Variants in KHDRBS2 observed in about 807,000 individuals in gnomAD.
KHDRBS2 encodes KH RNA binding domain containing, signal transduction associated 2.
KHDRBS2 carries 26 observed loss-of-function variants against 44.3 expected under a neutral mutation model. That is an observed-to-expected ratio of 0.59 (90% CI 0.43 to 0.81). KHDRBS2 has a LOEUF of 0.81. Ranked by LOEUF, KHDRBS2 falls within the 40% of genes least tolerant of loss-of-function variation. The probability of loss-of-function intolerance (pLI) is 0.00; values close to 1 mark genes in which losing one functional copy is unlikely to be tolerated. For synonymous variants in KHDRBS2, 194 were observed against 151.1 expected, an observed-to-expected ratio of 1.28 and a Z score of -2.08; for missense variants, 476 against 433.1, an observed-to-expected ratio of 1.10 and a Z score of -0.88.
chr6:61,781,329 C>G (rs568688738), intron 6 of KHDRBS2, among the ~76,000 whole-genome samples: 1 of 152,076 alleles, frequency 6.6e-6, no homozygotes, highest in African/African-American at 2.4e-5. Flanking sequence ...GAATAATATT[C>G]ATAATATAAA....
At chr6:61,770,311 C>T (rs903173760) in intron 6 of KHDRBS2, among the ~76,000 whole-genome samples, 2 of 152,142 alleles carry the variant, frequency 1.3e-5, no homozygotes, top group African/African-American at 2.4e-5. Flanking sequence ...AGCTCTTCAC[C>T]AGCAATGGAA....
intron 4 of KHDRBS2, among the ~76,000 whole-genome samples, chr6:61,910,939 A>G (rs1289740629): frequency 6.6e-6 from 1 of 152,220 alleles, no homozygotes; most frequent in Non-Finnish European, 1.5e-5. Context: ...ATTTAAAGTC[A>G]AAATAGGCGT....
chr6:62,077,165 T>C (rs1796511278), intron 2 of KHDRBS2, among the ~76,000 whole-genome samples: 1 of 152,094 alleles, frequency 6.6e-6, no homozygotes, highest in African/African-American at 2.4e-5. Context: ...AATGCTGCAT[T>C]TGACAAAACT....
chr6:61,682,234 T>C (rs1442454311), intron 8 of KHDRBS2, among the ~76,000 whole-genome samples: 2 of 151,826 alleles, frequency 1.3e-5, no homozygotes, highest in African/African-American at 2.4e-5. Context: ...CAATCTACTA[T>C]GTAGAAAAAT....
At chr6:61,574,403 T>C in the KHDRBS2 span, 5 of 1,522,810 alleles carry the variant, frequency 3.3e-6, no homozygotes, top group East Asian at 2.5e-5. Context: ...GCGGACATAA[T>C]ACAACAAGAC....
At chr6:62,042,594 T>C (rs1329738846) in intron 3 of KHDRBS2, among the ~76,000 whole-genome samples, 3 of 152,108 alleles carry the variant, frequency 2.0e-5, no homozygotes, top group Non-Finnish European at 4.4e-5. Context: ...GAGACTATTA[T>C]GCTGTTTGAT....
chr6:62,212,495 C>T (rs1201399398), intron 1 of KHDRBS2, among the ~76,000 whole-genome samples: 2 of 151,798 alleles, frequency 1.3e-5, no homozygotes, highest in Non-Finnish European at 2.9e-5. Flanking sequence ...CAGAATATGA[C>T]CTTTTTGGAA....
chr6:61,881,269 A>G (rs1175093918), intron 6 of KHDRBS2, among the ~76,000 whole-genome samples: 2 of 151,954 alleles, frequency 1.3e-5, no homozygotes, highest in South Asian at 2.1e-4. Context: ...AGTTGTAGGG[A>G]AAGTCAGCAA....
chr6:61,628,765 T>A, the KHDRBS2 span, among the ~76,000 whole-genome samples: 6 of 152,196 alleles, frequency 3.9e-5, no homozygotes, highest in African/African-American at 1.4e-4. Flanking sequence ...GTGTTGTATG[T>A]GGTTATCAAT....
At chr6:61,710,955 C>A (rs1275632701) in intron 7 of KHDRBS2, among the ~76,000 whole-genome samples, 1 of 148,868 alleles carries the variant, frequency 6.7e-6, no homozygotes. Context: ...GCTCAGAAAT[C>A]TGGAGTTTCA....
intron 1 of KHDRBS2, among the ~76,000 whole-genome samples, chr6:62,269,122 A>G (rs1214195259): frequency 6.6e-6 from 1 of 152,088 alleles, no homozygotes; most frequent in African/African-American, 2.4e-5. Context: ...ATAAACCTAT[A>G]CTTAAAAGCT....
chr6:62,104,338 T>C (rs1289020746), intron 2 of KHDRBS2, among the ~76,000 whole-genome samples: 1 of 152,132 alleles, frequency 6.6e-6, no homozygotes, highest in Non-Finnish European at 1.5e-5. Context: ...CATGTGCACA[T>C]TGTGCAGGTT....
At chr6:61,675,122 A>G (rs1765850932), downstream of KHDRBS2, among the ~76,000 whole-genome samples, 1 of 151,794 alleles carries the variant, frequency 6.6e-6, no homozygotes, top group Non-Finnish European at 1.5e-5. Context: ...GATCTATCAA[A>G]CACTTGGTCT....
chr6:62,279,977 G>A (rs1282587488), intron 1 of KHDRBS2, among the ~76,000 whole-genome samples: 1 of 152,186 alleles, frequency 6.6e-6, no homozygotes, highest in African/African-American at 2.4e-5. Context: ...CTCCTCAAGA[G>A]GAGACAGAGA....
At chr6:62,108,926 T>A (rs1804283316) in intron 2 of KHDRBS2, among the ~76,000 whole-genome samples, 2 of 152,116 alleles carry the variant, frequency 1.3e-5, no homozygotes, top group Admixed American at 6.5e-5. Context: ...AAGGGGTACA[T>A]CACACTTTGG....
intron 6 of KHDRBS2, among the ~76,000 whole-genome samples, chr6:61,853,781 G>GT (rs971939774): frequency 6.6e-6 from 1 of 152,188 alleles, no homozygotes; most frequent in Non-Finnish European, 1.5e-5. Flanking sequence ...GGCTGATGCA[G>GT]TTTTTCATAC....
At chr6:61,961,264 TA>T (rs1358285352) in intron 4 of KHDRBS2, among the ~76,000 whole-genome samples, 14 of 151,478 alleles carry the variant, frequency 9.2e-5, no homozygotes, top group Admixed American at 7.2e-4. Flanking sequence ...AAACATCCAA[TA>T]AAAAAATGGA....
intron 6 of KHDRBS2, among the ~76,000 whole-genome samples, chr6:61,891,541 C>T (rs1367514334): frequency 2.6e-5 from 4 of 152,008 alleles, no homozygotes; most frequent in Admixed American, 6.6e-5. Context: ...TGGTAAAATT[C>T]GGCTGTGAAT....
In KHDRBS2 at chr6:61,697,238, A is replaced by G. The variant is rs1768005105; in HGVS notation, c.909T>C (p.Tyr303=). The G allele has an allele frequency of 3.1e-6, 5 of 1,608,680 alleles. No homozygotes were observed. The highest frequency in any genetic ancestry group is 4.3e-6 in the Non-Finnish European group (5 of 1,175,182). ...CCTCACTTACTCCATGACCGTAGTCATAGTATTCAGGCACACTGCAACAAA... is the reference window on the plus strand; with the variant it reads ...CCTCACTTACTCCATGACCGTAGTCGTAGTATTCAGGCACACTGCAACAAA... ...ATQTQSVPEY[Y]DYGHGVSEDA... Residue 303 remains tyrosine (Y), a synonymous_variant, in exon 8 of 9, where the codon TAT becomes TAC. Transcript: ENST00000281156.
Sources: allele counts gnomAD v4.1 joint callset (sites outside exome capture counted in the v4.1 genomes callset), GRCh38; gene constraint gnomAD v4.1.1; transcripts MANE v1.5; gene names NCBI Gene and HGNC (gene_info 2026-07-23, HGNC 2026-07-21).